STPG2: variants seen among roughly 807,000 people sequenced by gnomAD.
The protein encoded by STPG2 is sperm-tail PG-rich repeat-containing protein 2.
In STPG2, 56 loss-of-function variants were observed where a neutral mutation model predicts 54.2. The observed-to-expected ratio is 1.03, with a 90% CI of 0.83 to 1.29. STPG2 has a LOEUF of 1.29. Ranked by LOEUF, STPG2 falls within the 50% of genes most tolerant of loss-of-function variation. The pLI, the probability that STPG2 is intolerant of heterozygous loss-of-function variation, is 0.00. For missense variants in STPG2, 596 were observed against 544.9 expected (o/e 1.09, Z -0.93); for synonymous variants, 200 against 181.8 (o/e 1.10, Z -0.81).
chr4:97,990,718 C>G (rs1276800211), intron 5 of STPG2, among the ~76,000 whole-genome samples: 1 of 152,086 alleles, frequency 6.6e-6, no homozygotes, highest in Admixed American at 6.5e-5. Flanking sequence ...GCCGTGGAAA[C>G]AAAGCTTAAA....
chr4:97,578,102 C>CTTT (rs10571752), intron 10 of STPG2, among the ~76,000 whole-genome samples: 4 of 115,954 alleles, frequency 3.4e-5, no homozygotes, highest in Non-Finnish European at 3.5e-5. Flanking sequence ...TTCTTTCTTT[C>CTTT]TTTTTTTTTT....
At chr4:97,994,729 G>C (rs1159323485) in intron 5 of STPG2, among the ~76,000 whole-genome samples, 1 of 152,066 alleles carries the variant, frequency 6.6e-6, no homozygotes, top group Non-Finnish European at 1.5e-5. Flanking sequence ...ACTCTGTGAG[G>C]GTCCTTGATT....
At chr4:97,995,517 T>C (rs1430794312) in intron 5 of STPG2, among the ~76,000 whole-genome samples, 2 of 152,124 alleles carry the variant, frequency 1.3e-5, no homozygotes, top group African/African-American at 4.8e-5. Context: ...TTTAAAAAGA[T>C]AAATTGATAG....
At chr4:98,131,685 T>C (rs182178542) in intron 2 of STPG2, among the ~76,000 whole-genome samples, 182 of 152,280 alleles carry the variant, frequency 1.2e-3, no homozygotes, top group African/African-American at 4.2e-3. Flanking sequence ...AGGTAGCCTT[T>C]GATGTAAAAA....
chr4:97,635,585 T>A (rs1437500527), intron 10 of STPG2, among the ~76,000 whole-genome samples: 1 of 152,124 alleles, frequency 6.6e-6, no homozygotes, highest in African/African-American at 2.4e-5. Context: ...TGTGCTGTAT[T>A]CAGGAAACCC....
chr4:97,887,873 T>G (rs1414027382), intron 8 of STPG2, among the ~76,000 whole-genome samples: 1 of 152,184 alleles, frequency 6.6e-6, no homozygotes, highest in Non-Finnish European at 1.5e-5. Context: ...AAGGGCCCAC[T>G]GCCCTGTGCA....
intron 10 of STPG2, among the ~76,000 whole-genome samples, chr4:97,616,086 A>T (rs1263539090): frequency 1.2e-5 from 1 of 83,794 alleles, no homozygotes; most frequent in Non-Finnish European, 2.8e-5. Flanking sequence ...ATATATATAT[A>T]TATATATATG....
chr4:97,497,614 A>G (rs1730638723), intron 4 of STPG2, among the ~76,000 whole-genome samples: 1 of 151,830 alleles, frequency 6.6e-6, no homozygotes, highest in Non-Finnish European at 1.5e-5. Flanking sequence ...CCTACACTCA[A>G]TATCAGATAA....
In STPG2 at chr4:98,128,528, T is replaced by C. The variant is rs1054194224; in HGVS notation, c.287A>G (p.Lys96Arg). ...VDVPSIPSCG[K>R]SYGYHINDDG... ...ATCATTAATATGATAACCATATGACTTTCCACAAGAAGGAATTGAAGGAAC... is the reference window on the plus strand; with the variant it reads ...ATCATTAATATGATAACCATATGACCTTCCACAAGAAGGAATTGAAGGAAC... Residue 96 changes from lysine to arginine, a missense_variant, in exon 3 of 11, where the codon AAG (lysine) becomes AGG (arginine). Transcript: ENST00000295268. 1.2e-6 allele frequency: 2 copies of C among 1,612,484 alleles called. No homozygotes were observed. Among genetic ancestry groups the C allele is most frequent in the African/African-American group, 1.3e-5 (1 of 74,984 alleles).
At chr4:97,930,380 C>A (rs1360599281) in intron 8 of STPG2, among the ~76,000 whole-genome samples, 1 of 152,144 alleles carries the variant, frequency 6.6e-6, no homozygotes, top group Non-Finnish European at 1.5e-5. Context: ...GGTCCAGCTT[C>A]ATTCTTCTGC....
intron 9 of STPG2, among the ~76,000 whole-genome samples, chr4:97,773,617 T>A (rs1578551436): frequency 1.3e-5 from 2 of 152,276 alleles, no homozygotes; most frequent in East Asian, 3.9e-4. Flanking sequence ...CAGCCTGCTT[T>A]TAAATAAATA....
At chr4:97,811,851 T>A (rs1001095119) in intron 9 of STPG2, among the ~76,000 whole-genome samples, 5 of 152,126 alleles carry the variant, frequency 3.3e-5, no homozygotes, top group African/African-American at 1.2e-4. Flanking sequence ...TGTTAGCCTA[T>A]CTAAATATTC....
At chr4:97,884,590 T>C (rs1281063740) in intron 8 of STPG2, among the ~76,000 whole-genome samples, 1 of 152,168 alleles carries the variant, frequency 6.6e-6, no homozygotes, top group Non-Finnish European at 1.5e-5. Context: ...AATAAATTTA[T>C]TTTGTTTATA....
intron 8 of STPG2, among the ~76,000 whole-genome samples, chr4:97,924,970 T>C (rs376886752): frequency 2.0e-5 from 3 of 152,342 alleles, no homozygotes; most frequent in East Asian, 3.9e-4. Context: ...TTATGTAGAA[T>C]ATGAATCATT....
chr4:98,101,089 G>A (rs1739023225), intron 5 of STPG2, among the ~76,000 whole-genome samples: 1 of 152,062 alleles, frequency 6.6e-6, no homozygotes, highest in Admixed American at 6.5e-5. Context: ...CCCACATTAA[G>A]ACATTTCTCC....
intron 5 of STPG2, among the ~76,000 whole-genome samples, chr4:98,076,284 C>T (rs1738166050): frequency 6.6e-6 from 1 of 151,498 alleles, no homozygotes; most frequent in Non-Finnish European, 1.5e-5. Context: ...AGTGAACCAT[C>T]CACGTAATCC....
At chr4:97,836,721 ATC>A (rs989819538) in intron 9 of STPG2, among the ~76,000 whole-genome samples, 22 of 151,468 alleles carry the variant, frequency 1.5e-4, no homozygotes, top group Non-Finnish European at 2.7e-4. Context: ...TCCTCTATTA[ATC>A]TGTCAATCTA....
chr4:97,508,752 A>G (rs2148838845), intron 4 of STPG2, among the ~76,000 whole-genome samples: 2 of 152,222 alleles, frequency 1.3e-5, no homozygotes, highest in South Asian at 4.1e-4. Context: ...TTATAGCATG[A>G]AAATACAAAA....
At chr4:97,502,960 A>G (rs956420107) in intron 4 of STPG2, among the ~76,000 whole-genome samples, 1 of 151,958 alleles carries the variant, frequency 6.6e-6, no homozygotes, top group Non-Finnish European at 1.5e-5. Context: ...CCATTAATAC[A>G]TTGAGGATAT....
Sources: allele counts gnomAD v4.1 joint callset (sites outside exome capture counted in the v4.1 genomes callset), GRCh38; gene constraint gnomAD v4.1.1; transcripts MANE v1.5; gene names NCBI Gene and HGNC (gene_info 2026-07-23, HGNC 2026-07-21).